The following KCTD8 variants were observed in gnomAD, a reference collection of about 807,000 sequenced individuals.
KCTD8 encodes BTB/POZ domain-containing protein KCTD8.
A neutral mutation model predicts 31.5 loss-of-function variants in KCTD8; 27 were observed. The ratio of observed to expected loss-of-function variants is 0.86; its 90% CI spans 0.63 to 1.18. The LOEUF (loss-of-function observed/expected upper bound fraction) is 1.18. Among genes scored for constraint, KCTD8 ranks in the 50% most tolerant of loss-of-function variants. The pLI is 0.00. For synonymous variants in KCTD8, 290 were observed against 280.0 expected (o/e 1.04, Z -0.36); for missense variants, 658 against 647.7 (o/e 1.02, Z -0.17).
At chr4:44,252,473 C>T (rs542096445) in intron 1 of KCTD8, among the ~76,000 whole-genome samples, 6 of 151,872 alleles carry the variant, frequency 4.0e-5, no homozygotes, top group African/African-American at 1.4e-4. Flanking sequence ...TTTACATTCC[C>T]ACCATCAATG....
At chr4:44,320,873 GGTTT>G (rs1441615857) in intron 1 of KCTD8, among the ~76,000 whole-genome samples, 3 of 150,648 alleles carry the variant, frequency 2.0e-5, no homozygotes, top group East Asian at 1.9e-4. Context: ...AATGCACTTT[GGTTT>G]GTTTGTTTTT....
chr4:44,318,514 T>A (rs550795401), intron 1 of KCTD8, among the ~76,000 whole-genome samples: 1 of 152,282 alleles, frequency 6.6e-6, no homozygotes, highest in African/African-American at 2.4e-5. Flanking sequence ...CTAGGAGGAA[T>A]AATCAATATT....
intron 1 of KCTD8, among the ~76,000 whole-genome samples, chr4:44,332,838 G>T (rs940416796): frequency 5.3e-5 from 8 of 151,842 alleles, no homozygotes; most frequent in Non-Finnish European, 1.0e-4. Flanking sequence ...AAATGCTCTT[G>T]GTTTTACATG....
At chr4:44,307,443 G>T (rs1005706003) in intron 1 of KCTD8, among the ~76,000 whole-genome samples, 5 of 151,846 alleles carry the variant, frequency 3.3e-5, no homozygotes, top group Non-Finnish European at 7.4e-5. Context: ...TTGCTCATGC[G>T]TGATCATTTT....
intron 1 of KCTD8, among the ~76,000 whole-genome samples, chr4:44,359,578 A>G (rs1019092105): frequency 2.6e-5 from 4 of 152,164 alleles, no homozygotes; most frequent in Admixed American, 2.6e-4. Context: ...AATAAAATTC[A>G]GAACACTCAA....
chr4:44,251,161 G>A (rs55925336), intron 1 of KCTD8, among the ~76,000 whole-genome samples: 25 of 151,512 alleles, frequency 1.7e-4, no homozygotes, highest in Non-Finnish European at 3.3e-4. Context: ...AGTTATTTTG[G>A]GGCTCTTTTT....
intron 1 of KCTD8, among the ~76,000 whole-genome samples, chr4:44,431,608 T>TA (rs747845418): frequency 1.3e-5 from 2 of 151,578 alleles, no homozygotes; most frequent in Non-Finnish European, 3.0e-5. Context: ...AACCTTACTC[T>TA]ATGTCTTCCA....
intron 1 of KCTD8, among the ~76,000 whole-genome samples, chr4:44,386,174 T>C (rs1269529807): frequency 1.3e-5 from 2 of 151,538 alleles, no homozygotes; most frequent in African/African-American, 2.4e-5. Context: ...AACCAACATA[T>C]GATACAACAA....
At chr4:44,356,798 C>T (rs924772704) in intron 1 of KCTD8, among the ~76,000 whole-genome samples, 1 of 152,068 alleles carries the variant, frequency 6.6e-6, no homozygotes, top group Non-Finnish European at 1.5e-5. Flanking sequence ...ATGAAAAGAA[C>T]AGTCCACTAC....
intron 1 of KCTD8, among the ~76,000 whole-genome samples, chr4:44,306,220 C>T (rs566202814): frequency 9.2e-5 from 14 of 151,860 alleles, no homozygotes; most frequent in South Asian, 6.2e-4. Context: ...AAATATAATT[C>T]GTCAGTTAAA....
intron 1 of KCTD8, among the ~76,000 whole-genome samples, chr4:44,284,203 C>T (rs751690519): frequency 2.0e-5 from 3 of 152,074 alleles, no homozygotes; most frequent in Admixed American, 6.6e-5. Flanking sequence ...CAAAGCTGAA[C>T]GCATCATGTT....
At chr4:44,355,573 T>A (rs928900583) in intron 1 of KCTD8, among the ~76,000 whole-genome samples, 2 of 152,208 alleles carry the variant, frequency 1.3e-5, no homozygotes, top group African/African-American at 4.8e-5. Flanking sequence ...AATTCTATTA[T>A]AATCCTACAT....
chr4:44,177,326 T>C (rs549190837), intron 1 of KCTD8, among the ~76,000 whole-genome samples: 24 of 152,222 alleles, frequency 1.6e-4, no homozygotes, highest in Admixed American at 1.4e-3. Flanking sequence ...TCCCTGGACC[T>C]AGAGGCACAG....
intron 1 of KCTD8, among the ~76,000 whole-genome samples, chr4:44,201,184 C>A (rs1189127396): frequency 6.6e-6 from 1 of 152,050 alleles, no homozygotes; most frequent in Non-Finnish European, 1.5e-5. Context: ...GATAAACCTT[C>A]CATGCTTATG....
intron 1 of KCTD8, among the ~76,000 whole-genome samples, chr4:44,356,135 T>G (rs1351068126): frequency 1.3e-5 from 2 of 152,208 alleles, no homozygotes; most frequent in African/African-American, 4.8e-5. Flanking sequence ...CAACTTATTC[T>G]GAATCTTTCA....
intron 1 of KCTD8, among the ~76,000 whole-genome samples, chr4:44,222,371 A>G (rs184676339): frequency 4.6e-5 from 7 of 152,348 alleles, no homozygotes; most frequent in Admixed American, 3.9e-4. Context: ...AACCAAAGAG[A>G]CTACTGAAAT....
chr4:44,303,800 G>C (rs1717714434), intron 1 of KCTD8, among the ~76,000 whole-genome samples: 1 of 151,794 alleles, frequency 6.6e-6, no homozygotes, highest in African/African-American at 2.4e-5. Context: ...GGGACAGAGT[G>C]AGACCCTGTC....
At chr4:44,270,672 T>G (rs530083960) in intron 1 of KCTD8, among the ~76,000 whole-genome samples, 3 of 152,234 alleles carry the variant, frequency 2.0e-5, no homozygotes, top group Admixed American at 1.3e-4. Context: ...AGGTGATGTA[T>G]TCCATATAAT....
intron 1 of KCTD8, among the ~76,000 whole-genome samples, chr4:44,370,740 A>G (rs781097992): frequency 2.6e-5 from 4 of 152,212 alleles, no homozygotes; most frequent in Non-Finnish European, 4.4e-5. Context: ...TAATTGAGTT[A>G]CACTGCTAAG....
Sources: gnomAD v4.1 joint callset for allele counts (sites outside exome capture counted in the v4.1 genomes callset) on GRCh38, gnomAD v4.1.1 for gene constraint, MANE v1.5 for transcripts, NCBI Gene and HGNC (gene_info 2026-07-23, HGNC 2026-07-21) for gene names.